Variants in TEX2 observed in about 807,000 individuals in gnomAD.
TEX2 encodes testis expressed 2.
TEX2 carries 53 observed loss-of-function variants against 106.9 expected under a neutral mutation model. The ratio of observed to expected loss-of-function variants is 0.50; its 90% CI spans 0.40 to 0.62. The LOEUF (loss-of-function observed/expected upper bound fraction) is 0.62, where lower values mean the gene tolerates loss of function less well. TEX2 is among the 20% of genes least tolerant of loss of function. TEX2 has a pLI of 0.00. For missense variants in TEX2, 1,207 were observed against 1,379.0 expected (o/e 0.88, Z 1.98); for synonymous variants, 523 against 534.8 (o/e 0.98, Z 0.30).
chr17:64,218,907 A>G (rs1160384501), intron 1 of TEX2, among the ~76,000 whole-genome samples: 1 of 152,174 alleles, frequency 6.6e-6, no homozygotes, highest in Non-Finnish European at 1.5e-5. Context: ...TGAAAGAACC[A>G]GGGAATCTCA....
At position 64,214,778 on chromosome 17, in the gene TEX2, G is replaced by A. The variant is rs1200774353; in HGVS notation, c.-25-536C>T. ...ATCTCCCAACTTCCTGCTATTGCAA[G>A]TAAGTAGCAAAGTATCCAAATGTGG... On this transcript the variant is annotated intron_variant, in intron 1 of 11. Coordinates refer to ENST00000584379, the MANE Select transcript of TEX2 (RefSeq NM_001288732.2). Among the ~76,000 whole-genome samples, 4 of 152,212 alleles carry A rather than the reference G, an allele frequency of 2.6e-5. No homozygotes were observed. The East Asian group carries it at 7.7e-4, about 29-fold the overall frequency.
chr17:64,173,340 T>C (rs1598138653), intron 6 of TEX2, among the ~76,000 whole-genome samples: 2 of 152,364 alleles, frequency 1.3e-5, no homozygotes, highest in South Asian at 4.1e-4. Context: ...ACAATAGTTT[T>C]ATAAAATTTA....
chr17:64,193,482 T>TCCTA, intron 4 of TEX2, 77 bp downstream of exon 4: 2 of 1,187,268 alleles, frequency 1.7e-6, no homozygotes, highest in Non-Finnish European at 2.3e-6. Flanking sequence ...CTTCCTTCCT[T>TCCTA]CCTACCTGGC....
chr17:64,249,894 A>C (rs2034058831), intron 1 of TEX2, among the ~76,000 whole-genome samples: 1 of 152,142 alleles, frequency 6.6e-6, no homozygotes, highest in African/African-American at 2.4e-5. Context: ...AAAAAAAATT[A>C]ATGTTCCTGC....
At chr17:64,210,121 G>A (rs992330711) in intron 2 of TEX2, among the ~76,000 whole-genome samples, 3 of 152,182 alleles carry the variant, frequency 2.0e-5, no homozygotes, top group Admixed American at 2.0e-4. Context: ...ATTTTTCCTT[G>A]CTAAAGTTAG....
chr17:64,236,159 C>T (rs1338703958), intron 1 of TEX2, among the ~76,000 whole-genome samples: 4 of 149,840 alleles, frequency 2.7e-5, no homozygotes, highest in East Asian at 3.9e-4. Flanking sequence ...CGAAAATATT[C>T]GGGGAAAAAA....
rs2030191214 is a variant in TEX2, at chr17:64,148,798, G to A, written c.*171C>T. On this transcript the variant is annotated 3_prime_UTR_variant, in exon 12 of 12. Coordinates refer to ENST00000584379, the MANE Select transcript of TEX2 (RefSeq NM_001288732.2). ...GCAATCCAGACAGTTGTCACTAGAT[G>A]CAGGGAATGACACCTCACAGTGGAA... 4.1e-6 allele frequency: 3 copies of A among 731,110 alleles called. No individual in the cohort carries two copies. Among genetic ancestry groups the A allele is most frequent in the Admixed American group, 3.2e-5 (1 of 31,368 alleles). 45.3% of individuals were successfully genotyped at this position (731,110 alleles called of 1,614,324 possible).
At chr17:64,170,854 C>T (rs1361792827) in intron 7 of TEX2, among the ~76,000 whole-genome samples, 4 of 152,028 alleles carry the variant, frequency 2.6e-5, no homozygotes, top group East Asian at 1.9e-4. Flanking sequence ...AGGCTGGCCT[C>T]GAATTCCTGA....
intron 7 of TEX2, among the ~76,000 whole-genome samples, chr17:64,165,772 G>A (rs1314735308): frequency 1.3e-5 from 2 of 152,210 alleles, no homozygotes; most frequent in Non-Finnish European, 2.9e-5. Context: ...CACCAGGCAC[G>A]TGGGTTAAGG....
chr17:64,179,795 A>T (rs4968697), intron 5 of TEX2, among the ~76,000 whole-genome samples: 79,862 of 151,870 alleles, frequency 0.53, 22,859 homozygotes, highest in East Asian at 0.82. Context: ...TTAAAAAAGA[A>T]AGCATGCTGG....
intron 5 of TEX2, among the ~76,000 whole-genome samples, chr17:64,177,825 T>C (rs2031675804): frequency 6.6e-6 from 1 of 152,250 alleles, no homozygotes; most frequent in South Asian, 2.1e-4. Context: ...CCTGCCCATC[T>C]TTCTTCAAGC....
In TEX2 at chr17:64,213,048, C is replaced by T; in HGVS notation, c.1170G>A (p.Leu390=). The T allele has an allele frequency of 6.2e-7, 1 of 1,614,232 alleles. No individual in the cohort carries two copies. The highest frequency in any genetic ancestry group is 8.5e-7 in the Non-Finnish European group (1 of 1,180,044). The part of the protein sequence containing the change: ...IELKSSQGSS[L]KDLGLKTSSL... ...AACTTGTCTTCAGGCCTAAATCCTTCAGACTGCTCCCCTGGGAACTTTTCA... is the reference window on the plus strand; with the variant it reads ...AACTTGTCTTCAGGCCTAAATCCTTTAGACTGCTCCCCTGGGAACTTTTCA... Residue 390 remains leucine (L), a synonymous_variant, in exon 2 of 12, where the codon CTG becomes CTA. Transcript: ENST00000584379. This position sits in a 1 kb window ranked among gnomAD's most constrained non-coding sequence, Gnocchi z 4.4.
intron 8 of TEX2, 58 bp from the exon 9 acceptor site, chr17:64,155,025 G>C: frequency 1.3e-6 from 2 of 1,493,992 alleles, no homozygotes; most frequent in Admixed American, 4.3e-5. Flanking sequence ...TGCTTAGAAA[G>C]AGAACACACA....
At chr17:64,188,073 C>A in intron 5 of TEX2, 95 bp downstream of exon 5, 1 of 1,408,354 alleles carries the variant, frequency 7.1e-7, no homozygotes, top group Non-Finnish European at 9.7e-7. Context: ...CCACTGTTAT[C>A]CCAGTGCCCA....
intron 5 of TEX2, among the ~76,000 whole-genome samples, chr17:64,183,518 C>T (rs1598151855): frequency 6.6e-6 from 1 of 152,248 alleles, no homozygotes; most frequent in East Asian, 1.9e-4. Context: ...CCTCTGCCTC[C>T]CAGGTTCAAG....
At position 64,213,235 on chromosome 17, in the gene TEX2, A is replaced by G; in HGVS notation, c.983T>C (p.Leu328Pro). Residue 328 changes from leucine to proline, a missense_variant, in exon 2 of 12, where the codon CTC becomes CCC. Transcript: ENST00000584379. The surrounding 1 kb of genome is among the most constrained non-coding windows in gnomAD (Gnocchi z 4.4). ...CCCATTCAAGCTGGACAGATTGGAG[A>G]GTTCTGAAGCACTTGAAGATAAGGC... ...PKALSSSASE[L>P]SNLSSLNGHL... The G allele has an allele frequency of 1.2e-6, 2 of 1,614,148 alleles. No individual in the cohort carries two copies. The highest frequency in any genetic ancestry group is 1.7e-6 in the Non-Finnish European group (2 of 1,180,028).
intron 5 of TEX2, among the ~76,000 whole-genome samples, chr17:64,180,443 C>A (rs1162431438): frequency 6.6e-6 from 1 of 152,206 alleles, no homozygotes; most frequent in Non-Finnish European, 1.5e-5. Flanking sequence ...CCAAAATAAG[C>A]TTCTCTCCAC....
intron 5 of TEX2, among the ~76,000 whole-genome samples, chr17:64,181,008 CT>C (rs1567922035): frequency 2.0e-5 from 3 of 152,170 alleles, no homozygotes; most frequent in African/African-American, 4.8e-5. Flanking sequence ...GAGGACCCTA[CT>C]CCTGTGTGTT....
chr17:64,207,358 C>T (rs1598178830), intron 2 of TEX2, among the ~76,000 whole-genome samples: 1 of 152,088 alleles, frequency 6.6e-6, no homozygotes, highest in Non-Finnish European at 1.5e-5. Context: ...ATAAAGTATG[C>T]GGGATCTCGG....
Sources: allele counts gnomAD v4.1 joint callset (sites outside exome capture counted in the v4.1 genomes callset), GRCh38; gene constraint gnomAD v4.1.1; non-coding constraint Gnocchi (gnomAD v3.1); transcripts MANE v1.5; gene names NCBI Gene and HGNC (gene_info 2026-07-23, HGNC 2026-07-21).